The following PCDHGB3 variants were observed in gnomAD, a reference collection of about 807,000 sequenced individuals.
PCDHGB3 encodes the protein protocadherin gamma-B3.
A neutral mutation model predicts 59.2 loss-of-function variants in PCDHGB3; 40 were observed. That is an observed-to-expected ratio of 0.68 (90% confidence interval 0.52 to 0.88). The LOEUF is 0.88. Among genes scored for constraint, PCDHGB3 ranks in the 40% least tolerant of loss-of-function variants. The pLI, the probability that PCDHGB3 is intolerant of heterozygous loss-of-function variation, is 0.00. For synonymous variants in PCDHGB3, 581 were observed against 503.6 expected (o/e 1.15, Z -2.06); for missense variants, 1,309 against 1,187.9 (o/e 1.10, Z -1.50).
At position 141,393,532 on chromosome 5, in the gene PCDHGB3, C is replaced by G. The variant is rs1411410420; in HGVS notation, c.2415+20723C>G. 1.4e-5 allele frequency: 23 copies of G among 1,613,886 alleles called. No homozygotes were observed. Among genetic ancestry groups the G allele is most frequent in the Non-Finnish European group, 1.9e-5 (23 of 1,179,916 alleles). On this transcript the variant is annotated intron_variant, in intron 1 of 3. Transcript: ENST00000576222. The stretch of plus-strand genomic sequence containing the variant: ...GTGTTGGATACAAATGACAATGCCC[C>G]GGTTTTTCCTCACCCGATTTACCGA...
chr5:141,376,169 G>C (rs779538880), intron 1 of PCDHGB3: 1 of 1,614,106 alleles, frequency 6.2e-7, no homozygotes, highest in South Asian at 1.1e-5. Flanking sequence ...CCTGGTGGTG[G>C]CGGTGGCCGC....
chr5:141,491,714 C>A lies in PCDHGB3; in HGVS notation c.2416-3093C>A, dbSNP rs1321811999. On this transcript the variant is annotated intron_variant, in intron 1 of 3. Transcript: ENST00000576222. The surrounding 1 kb of genome is among the most constrained non-coding windows in gnomAD (Gnocchi z 6.9). ...GAGCGGAGCCAGGTGAGGGGCTCGG[C>A]GCCGCCCCGGGCGACCCCTGGGGGC... 2 of 1,608,742 alleles carry A rather than the reference C, an allele frequency of 1.2e-6. No individual in the cohort carries two copies. The highest frequency in any genetic ancestry group is 1.7e-6 in the Non-Finnish European group (2 of 1,177,914).
chr5:141,383,179 G>C, intron 1 of PCDHGB3: 1 of 1,614,124 alleles, frequency 6.2e-7, no homozygotes, highest in Non-Finnish European at 8.5e-7. Context: ...AGACCGGGAA[G>C]AGATCTGCGC....
Position 141,486,146 on chromosome 5 carries a change from G to A in PCDHGB3, c.2416-8661G>A, listed in dbSNP as rs533158692. The A allele has an allele frequency of 3.1e-6, 5 of 1,614,184 alleles. No homozygotes were observed. The highest frequency in any genetic ancestry group is 2.2e-5 in the East Asian group (1 of 44,876). The stretch of plus-strand genomic sequence containing the variant: ...TGAATTTGATGTGCGGGCTCGCGAT[G>A]GGGGTTCTCCAGCCATGGAGCAACA... On this transcript the variant is annotated intron_variant, in intron 1 of 3. Transcript: ENST00000576222. The surrounding 1 kb of genome is among the most constrained non-coding windows in gnomAD (Gnocchi z 5.0).
At chr5:141,475,840 A>G (rs1039073157) in intron 1 of PCDHGB3, 2 of 434,770 alleles carry the variant, frequency 4.6e-6, no homozygotes, top group Non-Finnish European at 8.2e-6. Context: ...TGTCCTGCTC[A>G]GAGAGCCCGG....
intron 1 of PCDHGB3, chr5:141,426,693 A>C (rs62378458): frequency 0.034 from 14,964 of 435,892 alleles, 320 homozygotes; most frequent in Middle Eastern, 0.11. Flanking sequence ...CCAAAATAGC[A>C]TTGTTTTACA....
chr5:141,472,339 A>T (rs1330302365), intron 1 of PCDHGB3, among the ~76,000 whole-genome samples: 1 of 151,906 alleles, frequency 6.6e-6, no homozygotes, highest in Non-Finnish European at 1.5e-5. Flanking sequence ...TGGGAGATCG[A>T]GACCATCCTG....
chr5:141,414,647 T>C (rs1369045439), intron 1 of PCDHGB3: 3 of 1,613,926 alleles, frequency 1.9e-6, no homozygotes, highest in South Asian at 2.2e-5. Flanking sequence ...AATGCCCAGA[T>C]TATTTACTCC....
rs1767286127 is a variant in PCDHGB3 at position 141,370,891 on chromosome 5, C to A, written c.497C>A (p.Ser166Ter). ...SAQDPDVGVN[S>*]LQQYYLSPDP... ...CAAGATCCTGATGTAGGTGTCAATT[C>A]GCTGCAGCAGTACTACCTCAGCCCT... Residue 166 changes from serine to a stop codon, truncating the protein, a stop_gained, in exon 1 of 4, where the codon TCG becomes TAG. Coordinates refer to ENST00000576222, the MANE Select transcript of PCDHGB3 (RefSeq NM_018924.5). LOFTEE classifies it high-confidence loss of function. 6.2e-7 allele frequency: 1 copy of A among 1,614,028 alleles called. No homozygotes were observed. The highest frequency in any genetic ancestry group is 8.5e-7 in the Non-Finnish European group (1 of 1,179,900).
intron 1 of PCDHGB3, chr5:141,384,047 C>T (rs775378618): frequency 4.3e-6 from 7 of 1,612,190 alleles, no homozygotes; most frequent in African/African-American, 1.3e-5. Flanking sequence ...GGTGAGGTGA[C>T]CTGCACCATT....
intron 1 of PCDHGB3, chr5:141,391,956 A>G (rs1440560320): frequency 6.6e-6 from 1 of 152,246 alleles, no homozygotes; most frequent in Non-Finnish European, 1.5e-5. Flanking sequence ...AAAAATATAA[A>G]CAATGTAAAT....
chr5:141,490,065 C>A lies in PCDHGB3; in HGVS notation c.2416-4742C>A, dbSNP rs1161257597. ...CTGATCCAGACGAGGGCACCAACGG[C>A]CAACTAGACTATTCTTTTGGAGACC... On this transcript the variant is annotated intron_variant, in intron 1 of 3. Coordinates refer to ENST00000576222, the MANE Select transcript of PCDHGB3 (RefSeq NM_018924.5). This position sits in a 1 kb window ranked among gnomAD's most constrained non-coding sequence, Gnocchi z 5.4. 1 of 1,614,258 alleles carries A rather than the reference C, an allele frequency of 6.2e-7. No individual in the cohort carries two copies. Among genetic ancestry groups the A allele is most frequent in the South Asian group, 1.1e-5 (1 of 91,090 alleles).
intron 1 of PCDHGB3, chr5:141,404,640 T>C (rs368593595): frequency 1.6e-5 from 26 of 1,614,092 alleles, no homozygotes; most frequent in East Asian, 2.2e-5. Context: ...CCAGAAATCC[T>C]GTACCCTGCC....
At chr5:141,408,967 G>GC in intron 1 of PCDHGB3, 2 of 1,613,782 alleles carry the variant, frequency 1.2e-6, no homozygotes, top group Non-Finnish European at 1.7e-6. Context: ...GTGAAAATCT[G>GC]CCCCCTGGGT....
intron 1 of PCDHGB3, chr5:141,471,546 G>T (rs1271594387): frequency 6.6e-6 from 1 of 152,202 alleles, no homozygotes; most frequent in African/African-American, 2.4e-5. Flanking sequence ...AGCATTTAAG[G>T]TTGCTTTGAC....
intron 1 of PCDHGB3, among the ~76,000 whole-genome samples, chr5:141,397,091 A>G (rs1162135708): frequency 1.3e-5 from 2 of 152,264 alleles, no homozygotes; most frequent in Non-Finnish European, 2.9e-5. Flanking sequence ...CATTTCAGAT[A>G]GGATAATAAT....
intron 1 of PCDHGB3, chr5:141,375,655 G>T: frequency 6.2e-7 from 1 of 1,614,246 alleles, no homozygotes; most frequent in Non-Finnish European, 8.5e-7. Flanking sequence ...ACTATGAGCA[G>T]TTGAGAGACC....
chr5:141,401,290 C>G (rs1460193254), intron 1 of PCDHGB3, among the ~76,000 whole-genome samples: 1 of 151,710 alleles, frequency 6.6e-6, no homozygotes, highest in South Asian at 2.1e-4. Context: ...TGCGGTGAGC[C>G]GAGATCACTC....
rs779065098 is a variant in PCDHGB3 at position 141,491,758 on chromosome 5, C to T, written c.2416-3049C>T. 1.8e-5 allele frequency: 29 copies of T among 1,578,670 alleles called. No homozygotes were observed. Among genetic ancestry groups the T allele is most frequent in the Non-Finnish European group, 2.2e-5 (26 of 1,163,530 alleles). ...TGGGGGCGGCACTGGAGAAGCCGCC[C>T]GTCCTCATAAGGGATTGAACTTGCA... On this transcript the variant is annotated intron_variant, in intron 1 of 3. Transcript: ENST00000576222. The surrounding 1 kb of genome is among the most constrained non-coding windows in gnomAD (Gnocchi z 6.9).
Sources: gnomAD v4.1 joint callset for allele counts (sites outside exome capture counted in the v4.1 genomes callset) on GRCh38, gnomAD v4.1.1 for gene constraint, Gnocchi (gnomAD v3.1) non-coding constraint, MANE v1.5 for transcripts, NCBI Gene and HGNC (gene_info 2026-07-23, HGNC 2026-07-21) for gene names.